PHF24: variants seen among roughly 807,000 people sequenced by gnomAD.
The protein encoded by PHF24 is Galpha inhibitory interacting protein.
In PHF24, 25 loss-of-function variants were observed where a neutral mutation model predicts 42.6. The ratio of observed to expected loss-of-function variants is 0.59; its 90% confidence interval spans 0.43 to 0.82. The LOEUF (loss-of-function observed/expected upper bound fraction) is 0.82, where lower values mean the gene tolerates loss of function less well. Among genes scored for constraint, PHF24 ranks in the 40% least tolerant of loss-of-function variants. The probability of loss-of-function intolerance (pLI) is 0.00; values close to 1 mark genes in which losing one functional copy is unlikely to be tolerated. For missense variants in PHF24, 470 were observed against 538.1 expected (o/e 0.87, Z 1.25); for synonymous variants, 185 against 204.8 (o/e 0.90, Z 0.83).
exon 8 of PHF24, chr9:34,980,727 T>C (rs1267032954): frequency 1.3e-5 from 2 of 152,290 alleles, no homozygotes; most frequent in African/African-American, 4.8e-5. Context: ...TCTGAAATTC[T>C]GCCAAGTACA....
At chr9:34,787,437 T>C in the PHF24 span, among the ~76,000 whole-genome samples, 1 of 152,022 alleles carries the variant, frequency 6.6e-6, no homozygotes, top group Non-Finnish European at 1.5e-5. Flanking sequence ...CCTGGGAAGA[T>C]ATTGGTGGAA....
chr9:34,675,794 A>T, the PHF24 span, among the ~76,000 whole-genome samples: 1 of 151,896 alleles, frequency 6.6e-6, no homozygotes, highest in African/African-American at 2.4e-5. Flanking sequence ...CCTGGATGTA[A>T]AGCTGAGGGT....
chr9:34,681,269 T>C, the PHF24 span: 14 of 152,214 alleles, frequency 9.2e-5, no homozygotes, highest in African/African-American at 3.4e-4. Flanking sequence ...GATTTGGATG[T>C]CATTTGTTAT....
rs1193526453 is a variant in PHF24 at position 34,971,377 on chromosome 9, G to A, written c.79G>A (p.Gly27Arg). Residue 27 changes from glycine to arginine, a missense_variant, in exon 2 of 8, where the codon GGG (glycine) becomes AGG (arginine). By Grantham distance (125) the Gly-to-Arg change is moderately radical (BLOSUM62 -2). Transcript: ENST00000242315. Reference sequence around the variant, plus strand: ...TCTGGCTGTGTCTGCTTTCAAGGATGGGCTGCGGGACAGGCCTTCCATCCG... The same window carrying A: ...TCTGGCTGTGTCTGCTTTCAAGGATAGGCTGCGGGACAGGCCTTCCATCCG... 3 of 1,614,032 alleles carry A rather than the reference G, an allele frequency of 1.9e-6. No homozygotes were observed. In the Admixed American group the frequency reaches 5.0e-5, roughly 27 times the overall value.
the PHF24 span, among the ~76,000 whole-genome samples, chr9:34,891,436 C>T: frequency 3.9e-5 from 6 of 152,170 alleles, no homozygotes; most frequent in Non-Finnish European, 7.3e-5. Context: ...GAAACAATTG[C>T]GGACTGGCCC....
the PHF24 span, among the ~76,000 whole-genome samples, chr9:34,687,656 G>A: frequency 3.3e-5 from 5 of 152,314 alleles, no homozygotes; most frequent in South Asian, 2.1e-4. Flanking sequence ...GCCCTGCTCC[G>A]TCTGTGTGTT....
chr9:34,734,346 C>T, the PHF24 span, among the ~76,000 whole-genome samples: 1 of 152,230 alleles, frequency 6.6e-6, no homozygotes, highest in East Asian at 1.9e-4. Context: ...AGGGAGAATT[C>T]ACACTCACTT....
chr9:34,681,571 G>T, the PHF24 span, among the ~76,000 whole-genome samples: 3 of 152,428 alleles, frequency 2.0e-5, no homozygotes, highest in South Asian at 4.1e-4. Flanking sequence ...AGCCCTCTGG[G>T]AGACCGAGGT....
the PHF24 span, among the ~76,000 whole-genome samples, chr9:34,721,399 T>TTCTCTCTCTCTCTCTC: frequency 5.8e-4 from 81 of 139,336 alleles, 1 homozygote; most frequent in African/African-American, 2.2e-3. Flanking sequence ...TGTCTTTCCA[T>TTCTCTCTCTCTCTCTC]TCTCTCTCTC....
intron 3 of PHF24, among the ~76,000 whole-genome samples, chr9:34,972,912 C>T (rs986026696): frequency 6.0e-5 from 4 of 66,138 alleles, no homozygotes; most frequent in African/African-American, 8.6e-5. Context: ...GACTCTGTCT[C>T]GAAAAAAAAA....
the PHF24 span, among the ~76,000 whole-genome samples, chr9:34,829,133 CA>C: frequency 6.6e-6 from 1 of 151,920 alleles, no homozygotes; most frequent in South Asian, 2.1e-4. Flanking sequence ...GTAAAGACAA[CA>C]GGATTTACTG....
chr9:34,934,794 A>G, the PHF24 span, among the ~76,000 whole-genome samples: 4 of 152,222 alleles, frequency 2.6e-5, no homozygotes, highest in East Asian at 7.7e-4. Flanking sequence ...TTAGCAATGT[A>G]AGGCACATAA....
chr9:34,763,627 A>AT, the PHF24 span, among the ~76,000 whole-genome samples: 1 of 152,132 alleles, frequency 6.6e-6, no homozygotes, highest in Admixed American at 6.5e-5. Context: ...TAGATATACA[A>AT]TCATGTCATC....
chr9:34,851,767 G>T, the PHF24 span, among the ~76,000 whole-genome samples: 2 of 151,992 alleles, frequency 1.3e-5, no homozygotes, highest in Non-Finnish European at 2.9e-5. Context: ...CCTAATTGTC[G>T]ATCACAAGTT....
the PHF24 span, among the ~76,000 whole-genome samples, chr9:34,790,434 AT>A: frequency 1.7e-4 from 26 of 152,292 alleles, no homozygotes; most frequent in East Asian, 3.9e-4. Context: ...AATGTGTTTT[AT>A]TTTTTAAAAA....
At chr9:34,758,098 T>C in the PHF24 span, among the ~76,000 whole-genome samples, 684 of 152,168 alleles carry the variant, frequency 4.5e-3, 10 homozygotes, top group South Asian at 0.027. The surrounding 1 kb of genome is among the most constrained non-coding windows in gnomAD (Gnocchi z 4.4). Flanking sequence ...CTTGGGGATA[T>C]GTTTGCTGAG....
chr9:34,756,090 T>A, the PHF24 span, among the ~76,000 whole-genome samples: 4 of 152,100 alleles, frequency 2.6e-5, no homozygotes, highest in African/African-American at 9.7e-5. Context: ...TGTAATTAAT[T>A]TTGAGTTGAT....
chr9:34,811,875 AAT>A, the PHF24 span, among the ~76,000 whole-genome samples: 4 of 152,270 alleles, frequency 2.6e-5, no homozygotes, highest in Non-Finnish European at 5.9e-5. Context: ...AATAGGAGAA[AAT>A]AGTTGCAAAT....
chr9:34,935,887 G>A, the PHF24 span, among the ~76,000 whole-genome samples: 6 of 151,836 alleles, frequency 4.0e-5, no homozygotes, highest in African/African-American at 1.2e-4. Context: ...GGTTAAATTG[G>A]GATACAGATA....
Sources: allele counts gnomAD v4.1 joint callset (sites outside exome capture counted in the v4.1 genomes callset), GRCh38; gene constraint gnomAD v4.1.1; non-coding constraint Gnocchi (gnomAD v3.1); transcripts MANE v1.5; gene names NCBI Gene and HGNC (gene_info 2026-07-23, HGNC 2026-07-21).